Variants in PPP2R5C observed in about 807,000 individuals in gnomAD.
PPP2R5C encodes the protein serine/threonine-protein phosphatase 2A 56 kDa regulatory subunit gamma isoform.
In PPP2R5C, 7 loss-of-function variants were observed where a neutral mutation model predicts 68.9. The ratio of observed to expected loss-of-function variants is 0.10; its 90% CI spans 0.06 to 0.19. The LOEUF (loss-of-function observed/expected upper bound fraction) is 0.19. Ranked by LOEUF, PPP2R5C falls within the 10% of genes least tolerant of loss-of-function variation. The pLI is 1.00. For missense variants in PPP2R5C, 348 were observed against 641.3 expected, an observed-to-expected ratio of 0.54 and a Z score of 4.94; for synonymous variants, 210 against 222.2, an observed-to-expected ratio of 0.95 and a Z score of 0.49.
At chr14:101,871,228 T>TGGTTTTTGTTGTTGTTGTTGTTG (rs563568983) in intron 2 of PPP2R5C, among the ~76,000 whole-genome samples, 14 of 117,648 alleles carry the variant, frequency 1.2e-4, no homozygotes, top group African/African-American at 4.2e-4. Flanking sequence ...TGTTTTGGTT[T>TGGTTTTTGTTGTTGTTGTTGTTG]TTGTTGTTGT....
At chr14:101,786,694 C>T (rs1407688823) in intron 3 of PPP2R5C, among the ~76,000 whole-genome samples, 3 of 152,086 alleles carry the variant, frequency 2.0e-5, no homozygotes, top group Admixed American at 6.5e-5. Context: ...GGAAAAAGTG[C>T]TCTTTACTTT....
chr14:101,871,068 G>A (rs1005398628), intron 2 of PPP2R5C, among the ~76,000 whole-genome samples: 12 of 152,158 alleles, frequency 7.9e-5, no homozygotes, highest in South Asian at 2.1e-4. Flanking sequence ...AATCCACTCC[G>A]TCTCACCTTA....
intron 1 of PPP2R5C, among the ~76,000 whole-genome samples, chr14:101,850,220 A>G (rs2042075645): frequency 6.6e-6 from 1 of 152,178 alleles, no homozygotes; most frequent in Non-Finnish European, 1.5e-5. Context: ...TCAGCGCAGT[A>G]GATAAGAAAG....
intron 3 of PPP2R5C, among the ~76,000 whole-genome samples, chr14:101,798,745 G>A (rs186850692): frequency 1.5e-3 from 235 of 152,358 alleles, no homozygotes; most frequent in Middle Eastern, 6.8e-3. Context: ...CCAGCAAAGC[G>A]CCCTTCCTTG....
At chr14:101,860,012 T>C (rs755408014) in intron 2 of PPP2R5C, among the ~76,000 whole-genome samples, 1 of 151,920 alleles carries the variant, frequency 6.6e-6, no homozygotes, top group Non-Finnish European at 1.5e-5. Flanking sequence ...TGCTAGATGG[T>C]TTTTTTTAAA....
intron 1 of PPP2R5C, among the ~76,000 whole-genome samples, chr14:101,822,347 C>A (rs1022147195): frequency 6.6e-6 from 1 of 152,196 alleles, no homozygotes; most frequent in Non-Finnish European, 1.5e-5. Context: ...AGAATGAACA[C>A]ATTTCTCCTT....
intron 1 of PPP2R5C, chr14:101,810,132 A>G (rs1160992933): frequency 2.6e-6 from 3 of 1,157,562 alleles, no homozygotes; most frequent in Non-Finnish European, 2.5e-6. Context: ...AGTCCTTTCT[A>G]GCAGAATTCA....
At chr14:101,908,196 G>A (rs2046170167) in intron 10 of PPP2R5C, among the ~76,000 whole-genome samples, 1 of 152,152 alleles carries the variant, frequency 6.6e-6, no homozygotes, top group South Asian at 2.1e-4. Context: ...AAAGTACCTG[G>A]CTTATGATAG....
chr14:101,905,191 T>G (rs1220522128), intron 9 of PPP2R5C, among the ~76,000 whole-genome samples: 3 of 151,934 alleles, frequency 2.0e-5, no homozygotes. Flanking sequence ...CCGTCTCTAC[T>G]AAAAATACAA....
At chr14:101,785,285 C>A (rs764458207) in intron 2 of PPP2R5C, among the ~76,000 whole-genome samples, 1 of 152,148 alleles carries the variant, frequency 6.6e-6, no homozygotes, top group Non-Finnish European at 1.5e-5. Flanking sequence ...CACCACTGTA[C>A]AAGTTACACA....
At chr14:101,849,693 C>T (rs1048067658) in intron 1 of PPP2R5C, among the ~76,000 whole-genome samples, 5 of 90,686 alleles carry the variant, frequency 5.5e-5, no homozygotes, top group Admixed American at 4.1e-4. Context: ...ATAATTTGAT[C>T]CAGTTGCTTC....
At chr14:101,785,041 C>T (rs1395086684) in intron 2 of PPP2R5C, among the ~76,000 whole-genome samples, 3 of 152,158 alleles carry the variant, frequency 2.0e-5, no homozygotes, top group South Asian at 2.1e-4. Context: ...CAGTTGGCAG[C>T]GTTGCAGGTT....
At chr14:101,762,922 G>A (rs1368115230) in exon 2 of PPP2R5C, 7 of 1,584,094 alleles carry the variant, frequency 4.4e-6, no homozygotes, top group Non-Finnish European at 6.0e-6. Flanking sequence ...CAAAAGCAGG[G>A]AAGAGTGGAA....
At chr14:101,851,759 T>A (rs2042166081) in intron 1 of PPP2R5C, among the ~76,000 whole-genome samples, 1 of 152,226 alleles carries the variant, frequency 6.6e-6, no homozygotes, top group African/African-American at 2.4e-5. Flanking sequence ...TTATGGTGTC[T>A]TGGAGCATTT....
At chr14:101,918,165 C>A (rs2046789895) in intron 13 of PPP2R5C, among the ~76,000 whole-genome samples, 1 of 152,044 alleles carries the variant, frequency 6.6e-6, no homozygotes. Flanking sequence ...AGATGTGTAT[C>A]TCCATTTACT....
intron 8 of PPP2R5C, among the ~76,000 whole-genome samples, chr14:101,895,298 G>T (rs993401014): frequency 6.6e-6 from 1 of 152,004 alleles, no homozygotes. Flanking sequence ...GTTACATTTT[G>T]AATTTTTTTA....
chr14:101,811,299 G>A (rs747630272), intron 1 of PPP2R5C, among the ~76,000 whole-genome samples: 1 of 152,102 alleles, frequency 6.6e-6, no homozygotes, highest in African/African-American at 2.4e-5. Context: ...GAACCAAATG[G>A]GCAAGAACAA....
At chr14:101,822,988 T>C (rs1372015581) in intron 1 of PPP2R5C, among the ~76,000 whole-genome samples, 2 of 152,222 alleles carry the variant, frequency 1.3e-5, no homozygotes, top group Non-Finnish European at 2.9e-5. Context: ...CCTTGTATAG[T>C]GTAACATACG....
rs556587026 is a variant in PPP2R5C at position 101,891,999 on chromosome 14, G to A, written c.690-1001G>A. Among the ~76,000 whole-genome samples, 1 of 152,192 alleles carries A rather than the reference G, an allele frequency of 6.6e-6. No homozygotes were observed. Among genetic ancestry groups the A allele is most frequent in the Non-Finnish European group, 1.5e-5 (1 of 67,994 alleles). On this transcript the variant is annotated intron_variant, in intron 6 of 13. Coordinates refer to ENST00000334743, the Ensembl canonical transcript of PPP2R5C. This position sits in a 1 kb window ranked among gnomAD's most constrained non-coding sequence, Gnocchi z 4.9. Reference sequence around the variant, plus strand: ...TGAGATAGAGTCTCGCTCTGTCACCGAGGCTGGAGTGCAGTGGCCCGATCT... The same window carrying A: ...TGAGATAGAGTCTCGCTCTGTCACCAAGGCTGGAGTGCAGTGGCCCGATCT...
Sources: allele counts gnomAD v4.1 joint callset (sites outside exome capture counted in the v4.1 genomes callset), GRCh38; gene constraint gnomAD v4.1.1; non-coding constraint Gnocchi (gnomAD v3.1); transcripts MANE v1.5; gene names NCBI Gene and HGNC (gene_info 2026-07-23, HGNC 2026-07-21).